Variants in ZCCHC24 observed in about 807,000 individuals in gnomAD.
The protein encoded by ZCCHC24 is zinc finger CCHC-type containing 24.
A neutral mutation model predicts 26.2 loss-of-function variants in ZCCHC24; 10 were observed. The observed-to-expected ratio is 0.38, with a 90% CI of 0.24 to 0.65. ZCCHC24 has a LOEUF of 0.65. Ranked by LOEUF, ZCCHC24 falls within the 30% of genes least tolerant of loss-of-function variation. ZCCHC24 has a pLI of 0.54. For synonymous variants in ZCCHC24, 144 were observed against 147.1 expected, an observed-to-expected ratio of 0.98 and a Z score of 0.15; for missense variants, 243 against 329.1, an observed-to-expected ratio of 0.74 and a Z score of 2.03.
At chr10:79,424,013 G>A (rs1428244186) in intron 2 of ZCCHC24, among the ~76,000 whole-genome samples, 9 of 96,192 alleles carry the variant, frequency 9.4e-5, no homozygotes, top group Middle Eastern at 4.9e-3. Context: ...GCGAGACTCC[G>A]TCTGAAAAAA....
intron 1 of ZCCHC24, among the ~76,000 whole-genome samples, chr10:79,435,359 A>AT (rs374884495): frequency 1.1e-4 from 17 of 152,222 alleles, no homozygotes; most frequent in African/African-American, 3.6e-4. Flanking sequence ...CCTCTCCCCC[A>AT]TCTTGCGGCC....
intron 3 of ZCCHC24, among the ~76,000 whole-genome samples, chr10:79,387,281 C>T (rs993639207): frequency 2.6e-5 from 4 of 152,136 alleles, no homozygotes; most frequent in Admixed American, 6.5e-5. Context: ...TGAAGTGGGC[C>T]ATTCACAGTG....
At chr10:79,432,211 C>A (rs905468676) in intron 2 of ZCCHC24, among the ~76,000 whole-genome samples, 3 of 152,252 alleles carry the variant, frequency 2.0e-5, no homozygotes, top group Admixed American at 6.5e-5. Context: ...CTCCAGGGAG[C>A]TGTGAGGAGA....
chr10:79,389,286 T>C (rs1856439269), intron 3 of ZCCHC24, among the ~76,000 whole-genome samples: 2 of 152,232 alleles, frequency 1.3e-5, no homozygotes, highest in Admixed American at 1.3e-4. Context: ...AGAACCTCCA[T>C]GGAGACTGAA....
chr10:79,387,044 C>A (rs1856407114), intron 3 of ZCCHC24, among the ~76,000 whole-genome samples: 1 of 152,176 alleles, frequency 6.6e-6, no homozygotes, highest in South Asian at 2.1e-4. Context: ...GGAAGCCTAA[C>A]CCGGACACAG....
At chr10:79,402,310 C>T (rs1856644261) in intron 2 of ZCCHC24, among the ~76,000 whole-genome samples, 1 of 152,128 alleles carries the variant, frequency 6.6e-6, no homozygotes, top group Non-Finnish European at 1.5e-5. Context: ...GAGTCTCGCT[C>T]TGTCACCCAG....
rs1006554290 is a variant in ZCCHC24 at position 79,386,099 on chromosome 10, G to A, written c.*246C>T. 17 of 583,634 alleles carry A rather than the reference G, an allele frequency of 2.9e-5. No homozygotes were observed. Among genetic ancestry groups the A allele is most frequent in the Non-Finnish European group, 5.3e-5 (17 of 319,730 alleles). 36.2% of individuals were successfully genotyped at this position (583,634 alleles called of 1,614,324 possible). A position where few individuals can be genotyped will look rare whatever the true frequency, so the allele number is the denominator to read the frequency against. On this transcript the variant is annotated 3_prime_UTR_variant, in exon 4 of 4. Coordinates refer to ENST00000372336, the MANE Select transcript of ZCCHC24 (RefSeq NM_153367.4). ...TGCTTGCCTTTGTCCCCTCCACTGA[G>A]ACCCCAGGCCCGCCTGCAAAAAGCC...
chr10:79,437,334 T>C (rs1374405272), intron 1 of ZCCHC24, among the ~76,000 whole-genome samples: 1 of 152,234 alleles, frequency 6.6e-6, no homozygotes, highest in African/African-American at 2.4e-5. Context: ...ATTACAGGCA[T>C]GAGTCACCGT....
intron 1 of ZCCHC24, among the ~76,000 whole-genome samples, chr10:79,436,997 G>A (rs1857225322): frequency 6.6e-6 from 1 of 152,202 alleles, no homozygotes; most frequent in Non-Finnish European, 1.5e-5. Context: ...CTTCTCCAAG[G>A]TTTTTGCTTG....
rs527254540 is a variant in ZCCHC24, at chr10:79,428,919, C to T, written c.447+3639G>A. ...CCTAGGAAGATGCAAACTGTAGTAA[C>T]TGAGTCAAAAAGAAATAAAAAAAAA... On this transcript the variant is annotated intron_variant, in intron 2 of 3. Transcript: ENST00000372336. Among the ~76,000 whole-genome samples, 3 of 150,818 alleles carry T rather than the reference C, an allele frequency of 2.0e-5. No individual in the cohort carries two copies. In the East Asian group the frequency reaches 5.8e-4, roughly 29 times the overall value.
At chr10:79,420,943 G>A (rs530003264) in intron 2 of ZCCHC24, among the ~76,000 whole-genome samples, 2 of 152,248 alleles carry the variant, frequency 1.3e-5, no homozygotes, top group African/African-American at 4.8e-5. Context: ...TTTTACAGAG[G>A]AGGAAACTGA....
chr10:79,405,679 G>A (rs950712955), intron 2 of ZCCHC24, among the ~76,000 whole-genome samples: 1 of 152,266 alleles, frequency 6.6e-6, no homozygotes, highest in African/African-American at 2.4e-5. Context: ...AGGGAAGGTG[G>A]TGGGTCAAGA....
chr10:79,423,591 A>ATTTTATATATATATATATATTT (rs373110200), intron 2 of ZCCHC24, among the ~76,000 whole-genome samples: 9 of 49,638 alleles, frequency 1.8e-4, no homozygotes, highest in Admixed American at 4.3e-4. Context: ...CTATATATAT[A>ATTTTATATATATATATATATTT]TATATATATA....
intron 3 of ZCCHC24, 91 bp downstream of exon 3, chr10:79,394,185 T>C: frequency 2.0e-6 from 3 of 1,496,262 alleles, no homozygotes. Context: ...TAGAGAGATC[T>C]CCCTTGTAGG....
chr10:79,425,235 C>T (rs117595717), intron 2 of ZCCHC24, among the ~76,000 whole-genome samples: 3 of 152,212 alleles, frequency 2.0e-5, no homozygotes, highest in Non-Finnish European at 2.9e-5. Flanking sequence ...AGATACCAGG[C>T]GACCCTGCAG....
chr10:79,432,785 A>G, intron 1 of ZCCHC24, 27 bp from the exon 2 acceptor site: 1 of 1,602,834 alleles, frequency 6.2e-7, no homozygotes, highest in Non-Finnish European at 8.5e-7. Context: ...CACATATACT[A>G]CAGCCTCTGC....
intron 3 of ZCCHC24, among the ~76,000 whole-genome samples, chr10:79,390,300 G>C (rs1223838952): frequency 6.6e-6 from 1 of 152,242 alleles, no homozygotes; most frequent in Non-Finnish European, 1.5e-5. Flanking sequence ...TGGGGGCTAA[G>C]TCTGTAGGCT....
intron 1 of ZCCHC24, among the ~76,000 whole-genome samples, chr10:79,440,620 C>T (rs1857281011): frequency 6.6e-6 from 1 of 152,164 alleles, no homozygotes; most frequent in Non-Finnish European, 1.5e-5. Context: ...TCTAGCTCTC[C>T]CACTGACTGG....
rs749758891 is a variant in ZCCHC24, at chr10:79,432,696, A to C, written c.309T>G (p.Asp103Glu). The C allele has an allele frequency of 6.2e-7, 1 of 1,608,962 alleles. No homozygotes were observed. Among genetic ancestry groups the C allele is most frequent in the Non-Finnish European group, 8.5e-7 (1 of 1,178,270 alleles). The stretch of plus-strand genomic sequence containing the variant: ...AGTGCTCGGTGAGGGAGCTGAGGCC[A>C]TCGGCGATGTTGTTGAGGGAGCCAT... Reference protein sequence around the residue: ...SPYGSLNNIADGLSSLTEHFS... With the variant: ...SPYGSLNNIAEGLSSLTEHFS... The change falls in exon 2 of 4, where the codon GAT becomes GAG. Residue 103 changes from aspartate (D) to glutamate (E), a missense_variant. Transcript: ENST00000372336.
Sources: gnomAD v4.1 joint callset for allele counts (sites outside exome capture counted in the v4.1 genomes callset) on GRCh38, gnomAD v4.1.1 for gene constraint, MANE v1.5 for transcripts, NCBI Gene and HGNC (gene_info 2026-07-23, HGNC 2026-07-21) for gene names.